The following CACNA2D3 variants were observed in gnomAD, a reference collection of about 807,000 sequenced individuals.
CACNA2D3 encodes calcium voltage-gated channel auxiliary subunit alpha2delta 3.
Under a neutral mutation model 160.6 loss-of-function variants are expected in CACNA2D3, and 60 were observed. That is an observed-to-expected ratio of 0.37 (90% CI 0.30 to 0.46). The LOEUF is 0.46. Among genes scored for constraint, CACNA2D3 ranks in the 20% least tolerant of loss-of-function variants. The pLI is 1.00. For missense variants in CACNA2D3, 1,205 were observed against 1,365.0 expected (o/e 0.88, Z 1.85); for synonymous variants, 558 against 492.9 (o/e 1.13, Z -1.75).
At chr3:54,764,970 G>C (rs1285327654) in intron 13 of CACNA2D3, among the ~76,000 whole-genome samples, 1 of 152,174 alleles carries the variant, frequency 6.6e-6, no homozygotes, top group Non-Finnish European at 1.5e-5. Flanking sequence ...TGGCTCAATG[G>C]CTGGGTTTCT....
chr3:54,262,993 A>G (rs1702433077), intron 2 of CACNA2D3, among the ~76,000 whole-genome samples: 1 of 152,176 alleles, frequency 6.6e-6, no homozygotes, highest in Non-Finnish European at 1.5e-5. Context: ...CCTCCACCCC[A>G]GGTAGTCACT....
intron 4 of CACNA2D3, among the ~76,000 whole-genome samples, chr3:54,458,921 A>C (rs142365338): frequency 0.02 from 3,036 of 151,280 alleles, 75 homozygotes; most frequent in East Asian, 0.1. Context: ...ATCCCTCCCA[A>C]CTTCCCCCAC....
intron 13 of CACNA2D3, among the ~76,000 whole-genome samples, chr3:54,769,555 T>C (rs1476265705): frequency 6.6e-6 from 1 of 152,190 alleles, no homozygotes; most frequent in Non-Finnish European, 1.5e-5. Context: ...TCTTTGAGTA[T>C]AGTTTTCCTC....
At position 54,739,876 on chromosome 3, in the gene CACNA2D3, C is replaced by A. The variant is rs539135628; in HGVS notation, c.1168-12723C>A. 4.6e-5 allele frequency among the ~76,000 whole-genome samples: 7 copies of A among 151,186 alleles called. No homozygotes were observed. In the East Asian group the frequency reaches 1.2e-3, roughly 25 times the overall value. On this transcript the variant is annotated intron_variant, in intron 11 of 37. Transcript: ENST00000474759. The stretch of plus-strand genomic sequence containing the variant: ...ATGTATAAAGAAATACATATATTTT[C>A]TTCATATTCCTTTGCCTTCCCCATT...
At position 54,627,847 on chromosome 3, in the gene CACNA2D3, C is replaced by A; in HGVS notation, c.1024C>A (p.Leu342Met). Residue 342 changes from leucine (L) to methionine (M), a missense_variant, in exon 10 of 38, where the codon CTG (leucine) becomes ATG (methionine). Transcript: ENST00000474759. ...AGGAATTGGAATGTTGGATATAGCT[C>A]TGAATGAGGCCTTCAACATTCTGAG... ...AKGIGMLDIALNEAFNILSDF... is the reference protein window; with the variant it reads ...AKGIGMLDIAMNEAFNILSDF... The A allele has an allele frequency of 6.2e-7, 1 of 1,608,022 alleles. No homozygotes were observed. Among genetic ancestry groups the A allele is most frequent in the South Asian group, 1.1e-5 (1 of 89,390 alleles).
chr3:54,957,454 A>G (rs545424157), intron 27 of CACNA2D3, among the ~76,000 whole-genome samples: 1 of 152,142 alleles, frequency 6.6e-6, no homozygotes, highest in African/African-American at 2.4e-5. Flanking sequence ...CAACCATAAA[A>G]TAATTTTCAT....
chr3:54,511,847 G>A (rs1353220963), intron 5 of CACNA2D3, among the ~76,000 whole-genome samples: 1 of 152,176 alleles, frequency 6.6e-6, no homozygotes, highest in African/African-American at 2.4e-5. Context: ...GAAGTTTCAA[G>A]GTTACTTCTA....
At chr3:54,939,430 C>G (rs1472474006) in intron 27 of CACNA2D3, among the ~76,000 whole-genome samples, 1 of 152,202 alleles carries the variant, frequency 6.6e-6, no homozygotes, top group Non-Finnish European at 1.5e-5. Flanking sequence ...GTCCCTTCCC[C>G]TGGCATGTGG....
intron 35 of CACNA2D3, among the ~76,000 whole-genome samples, chr3:55,029,573 G>GT (rs3836387): frequency 0.17 from 25,528 of 151,780 alleles, 2,397 homozygotes; most frequent in East Asian, 0.27. Context: ...AGATGGTGAG[G>GT]TTTTTTTTGC....
intron 2 of CACNA2D3, among the ~76,000 whole-genome samples, chr3:54,175,733 G>C (rs1347116522): frequency 6.6e-6 from 1 of 152,110 alleles, no homozygotes; most frequent in Admixed American, 6.6e-5. Flanking sequence ...GTGGGGTGCA[G>C]AAGCTGATAT....
intron 29 of CACNA2D3, among the ~76,000 whole-genome samples, chr3:54,981,658 G>T (rs754586912): frequency 6.6e-6 from 1 of 152,190 alleles, no homozygotes; most frequent in Non-Finnish European, 1.5e-5. Context: ...CGTAGTGACC[G>T]GGCTGGCTGG....
intron 2 of CACNA2D3, among the ~76,000 whole-genome samples, chr3:54,303,829 T>G (rs1470500839): frequency 1.4e-5 from 2 of 146,404 alleles, no homozygotes; most frequent in African/African-American, 5.1e-5. Context: ...TTTTTTTTTT[T>G]TTTTTTTTTC....
intron 11 of CACNA2D3, among the ~76,000 whole-genome samples, chr3:54,662,045 T>C (rs1400673338): frequency 6.6e-6 from 1 of 152,202 alleles, no homozygotes; most frequent in Non-Finnish European, 1.5e-5. Context: ...TTCTCTGTAT[T>C]AACTCTATGC....
intron 27 of CACNA2D3, among the ~76,000 whole-genome samples, chr3:54,904,484 A>T (rs1287655239): frequency 1.3e-5 from 2 of 152,368 alleles, no homozygotes; most frequent in East Asian, 3.9e-4. Context: ...ATATTTGTTA[A>T]CAATTTCAGA....
At chr3:54,219,913 A>G (rs1701535171) in intron 2 of CACNA2D3, among the ~76,000 whole-genome samples, 1 of 152,112 alleles carries the variant, frequency 6.6e-6, no homozygotes, top group African/African-American at 2.4e-5. Context: ...AAAAAAAACT[A>G]CTATCTTTCC....
At chr3:54,830,829 G>A (rs1046133472) in intron 14 of CACNA2D3, among the ~76,000 whole-genome samples, 13 of 151,842 alleles carry the variant, frequency 8.6e-5, no homozygotes, top group Non-Finnish European at 1.3e-4. Context: ...GCTTTTTGTC[G>A]TCCAGGACCT....
rs533761966 is a variant in CACNA2D3, at chr3:54,207,423, C to T, written c.204+83829C>T. On this transcript the variant is annotated intron_variant, in intron 2 of 37. Transcript: ENST00000474759. ...TGTGTGATTTGACACCACTGTAATC[C>T]GGGTGGATACATTATGCTTTTAAGA... 2.4e-4 allele frequency among the ~76,000 whole-genome samples: 35 copies of T among 144,248 alleles called. 2 individuals are homozygous for T. Among genetic ancestry groups the T allele is most frequent in the East Asian group, 1.7e-3 (7 of 4,084 alleles). 94.6% of individuals were successfully genotyped at this position (144,248 alleles called of 152,430 possible).
intron 17 of CACNA2D3, among the ~76,000 whole-genome samples, chr3:54,869,711 A>G (rs192864446): frequency 1.5e-4 from 23 of 152,242 alleles, no homozygotes; most frequent in African/African-American, 1.7e-4. Flanking sequence ...GGACACTACT[A>G]TCCCTGCCCC....
intron 16 of CACNA2D3, among the ~76,000 whole-genome samples, chr3:54,840,171 C>A (rs1370135612): frequency 1.3e-5 from 2 of 151,994 alleles, no homozygotes; most frequent in African/African-American, 4.8e-5. Context: ...CTACTTGATA[C>A]GTGTCCAATA....
Sources: gnomAD v4.1 joint callset for allele counts (sites outside exome capture counted in the v4.1 genomes callset) on GRCh38, gnomAD v4.1.1 for gene constraint, MANE v1.5 for transcripts, NCBI Gene and HGNC (gene_info 2026-07-23, HGNC 2026-07-21) for gene names.